KMT2A: variants seen among roughly 807,000 people sequenced by gnomAD.
KMT2A encodes the protein lysine methyltransferase 2A.
KMT2A carries 16 observed loss-of-function variants against 345.3 expected under a neutral mutation model. The observed-to-expected ratio is 0.05, with a 90% CI of 0.03 to 0.07. KMT2A has a LOEUF of 0.07. Ranked by LOEUF, KMT2A falls within the 10% of genes least tolerant of loss-of-function variation. The pLI is 1.00. For synonymous variants in KMT2A, 1,599 were observed against 1,778.6 expected, an observed-to-expected ratio of 0.90 and a Z score of 2.54; for missense variants, 3,272 against 4,841.6, an observed-to-expected ratio of 0.68 and a Z score of 9.62.
Position 118,491,969 on chromosome 11 carries a change from G to A in KMT2A, c.5004+41G>A. ...TTTTTTTCTGAGAGCTTGTTCTTAG[G>A]TAGTCTTTACCTAGTGTTTTTCTTT... On this transcript the variant is annotated intron_variant, in intron 15 of 35. Transcript: ENST00000534358. This position sits in a 1 kb window ranked among gnomAD's most constrained non-coding sequence, Gnocchi z 4.2. The A allele has an allele frequency of 6.9e-7, 1 of 1,451,162 alleles. No individual in the cohort carries two copies. The highest frequency in any genetic ancestry group is 9.6e-7 in the Non-Finnish European group (1 of 1,046,708). 89.9% of individuals were successfully genotyped at this position (1,451,162 alleles called of 1,614,324 possible).
rs782665441 is a variant in KMT2A at position 118,503,936 on chromosome 11, T to G, written c.8044T>G (p.Leu2682Val). The change falls in exon 27 of 36, where the codon TTA becomes GTA. Residue 2682 changes from leucine to valine, a missense_variant. This residue lies in a region of KMT2A where 47 missense variants were observed against 53.6 expected (regional missense o/e 0.88). Transcript: ENST00000534358. The surrounding 1 kb of genome is among the most constrained non-coding windows in gnomAD (Gnocchi z 5.3). The stretch of plus-strand genomic sequence containing the variant: ...CTTAAGCACTTCAGATGAAGACGAC[T>G]TATACTATTACAACTTCACTAGAAC... ...DDLSTSDEDD[L>V]YYYNFTRTVI... is the part of the protein sequence containing the mutation. 6.8e-6 allele frequency: 11 copies of G among 1,614,140 alleles called. No individual in the cohort carries two copies. The highest frequency in any genetic ancestry group is 9.3e-6 in the Non-Finnish European group (11 of 1,180,016).
chr11:118,465,770 C>T (rs1949832724), intron 1 of KMT2A, among the ~76,000 whole-genome samples: 1 of 152,100 alleles, frequency 6.6e-6, no homozygotes, highest in African/African-American at 2.4e-5. Flanking sequence ...TTTGCTTTTT[C>T]CTCAAAATAT....
chr11:118,517,247 T>A (rs1262935397), intron 31 of KMT2A, among the ~76,000 whole-genome samples: 2 of 151,490 alleles, frequency 1.3e-5, no homozygotes, highest in Non-Finnish European at 2.9e-5. Context: ...ATACAAAAAA[T>A]TAGCCAGGCG....
chr11:118,467,005 G>A (rs1175464951), intron 1 of KMT2A, among the ~76,000 whole-genome samples: 1 of 151,922 alleles, frequency 6.6e-6, no homozygotes, highest in Non-Finnish European at 1.5e-5. Flanking sequence ...ACCAGCCTGA[G>A]CAAAATATGT....
chr11:118,479,983 G>C (rs1460226943), intron 5 of KMT2A, among the ~76,000 whole-genome samples, 191 bp from the exon 6 acceptor site: 1 of 152,146 alleles, frequency 6.6e-6, no homozygotes, highest in Non-Finnish European at 1.5e-5. Context: ...AGATCCTAAA[G>C]GTAGGTGAAA....
rs1040411167 is a variant in KMT2A, at chr11:118,496,088, A to G, written c.5558-173A>G. Among the ~76,000 whole-genome samples, 1 of 152,248 alleles carries G rather than the reference A, an allele frequency of 6.6e-6. No homozygotes were observed. The highest frequency in any genetic ancestry group is 1.5e-5 in the Non-Finnish European group (1 of 68,040). ...GGACTTGATATAAATACTCTGGAGT[A>G]TTGTAACATAGATGATGAGGTAGCG... On this transcript the variant is annotated intron_variant, in intron 19 of 35. Coordinates refer to ENST00000534358, the MANE Select transcript of KMT2A (RefSeq NM_001197104.2). This position sits in a 1 kb window ranked among gnomAD's most constrained non-coding sequence, Gnocchi z 4.7.
chr11:118,507,632 T>A, intron 28 of KMT2A, 23 bp downstream of exon 28: 1 of 1,587,950 alleles, frequency 6.3e-7, no homozygotes, highest in Non-Finnish European at 8.6e-7. Flanking sequence ...ATTCGTCTTT[T>A]AAGACTAAGC....
chr11:118,453,588 G>A (rs1456526377), intron 1 of KMT2A, among the ~76,000 whole-genome samples: 1 of 151,994 alleles, frequency 6.6e-6, no homozygotes, highest in South Asian at 2.1e-4. Context: ...TCATCTATAC[G>A]CTGACAACTA....
intron 1 of KMT2A, among the ~76,000 whole-genome samples, chr11:118,439,279 A>T (rs1949268025): frequency 6.6e-6 from 1 of 152,228 alleles, no homozygotes; most frequent in African/African-American, 2.4e-5. Flanking sequence ...GAGTTTAATA[A>T]GAAAGTCTCT....
chr11:118,473,864 G>C lies in KMT2A; in HGVS notation c.2705G>C (p.Ser902Thr). Residue 902 changes from serine to threonine, a missense_variant, in exon 3 of 36, where the codon AGT becomes ACT. Physicochemically the swap from Ser to Thr is moderately conservative, Grantham distance 58. This residue lies in a region of KMT2A where 209 missense variants were observed against 237.4 expected (regional missense o/e 0.88). Transcript: ENST00000534358. This position sits in a 1 kb window ranked among gnomAD's most constrained non-coding sequence, Gnocchi z 5.2. The stretch of plus-strand genomic sequence containing the variant: ...AAAAAGGGATCAGAAATTCAGAGTA[G>C]TTCTGCTTTGTATCCTGTGGGTAGG... The part of the protein sequence containing the change: ...KRKKGSEIQS[S>T]SALYPVGRVS... 1 of 1,614,214 alleles carries C rather than the reference G, an allele frequency of 6.2e-7. No individual in the cohort carries two copies. Among genetic ancestry groups the C allele is most frequent in the East Asian group, 2.2e-5 (1 of 44,882 alleles).
Position 118,490,663 on chromosome 11 carries a change from G to A in KMT2A, c.4696+414G>A, listed in dbSNP as rs1029397477. Among the ~76,000 whole-genome samples, 2 of 152,036 alleles carry A rather than the reference G, an allele frequency of 1.3e-5. No homozygotes were observed. The highest frequency in any genetic ancestry group is 2.9e-5 in the Non-Finnish European group (2 of 68,016). The stretch of plus-strand genomic sequence containing the variant: ...AATCATATAAAGTTCACTGTTTTAA[G>A]TAAGATAAGCAGATCAGTTTGAAGA... On this transcript the variant is annotated intron_variant, in intron 13 of 35. Coordinates refer to ENST00000534358, the MANE Select transcript of KMT2A (RefSeq NM_001197104.2). The surrounding 1 kb of genome is among the most constrained non-coding windows in gnomAD (Gnocchi z 4.2).
intron 1 of KMT2A, chr11:118,439,269 G>A: frequency 8.6e-6 from 3 of 348,924 alleles, no homozygotes; most frequent in South Asian, 6.8e-5. Context: ...ATGTATATTT[G>A]AGTTTAATAA....
chr11:118,454,903 G>C (rs1208118002), intron 1 of KMT2A, among the ~76,000 whole-genome samples: 3 of 151,524 alleles, frequency 2.0e-5, no homozygotes, highest in Non-Finnish European at 4.4e-5. Context: ...TCGGCCTGTG[G>C]CCCATAGTTT....
rs771582258 is a variant in KMT2A at position 118,474,297 on chromosome 11, C to T, written c.3138C>T (p.Thr1046=). 8.1e-6 allele frequency: 13 copies of T among 1,613,716 alleles called. No homozygotes were observed. The highest frequency in any genetic ancestry group is 6.7e-5 in the East Asian group (3 of 44,894). The change falls in exon 3 of 36, where the codon ACC becomes ACT. Residue 1046 remains threonine, a synonymous_variant. Coordinates refer to ENST00000534358, the MANE Select transcript of KMT2A (RefSeq NM_001197104.2). ...KIEKSKSLKQ[T]DQPKAQGQES... ...AGAAGAGTAAGAGTCTTAAACAAAC[C>T]GACCAGCCCAAAGCACAGGTACTCT...
At position 118,522,805 on chromosome 11, in the gene KMT2A, G is replaced by A; in HGVS notation, c.*633G>A. 1 of 214,870 alleles carries A rather than the reference G, an allele frequency of 4.7e-6. No homozygotes were observed. Among genetic ancestry groups the A allele is most frequent in the Non-Finnish European group, 9.4e-6 (1 of 106,220 alleles). 13.3% of individuals were successfully genotyped at this position (214,870 alleles called of 1,614,324 possible). A position where few individuals can be genotyped will look rare whatever the true frequency, so the allele number is the denominator to read the frequency against. ...CATTGAGCCTGCAGGCTTTGAGTGGGAGTGTTGCCCCCAGGAGCCTTATCT... is the reference window on the plus strand; with the variant it reads ...CATTGAGCCTGCAGGCTTTGAGTGGAAGTGTTGCCCCCAGGAGCCTTATCT... On this transcript the variant is annotated 3_prime_UTR_variant, in exon 36 of 36. Coordinates refer to ENST00000534358, the MANE Select transcript of KMT2A (RefSeq NM_001197104.2). The surrounding 1 kb of genome is among the most constrained non-coding windows in gnomAD (Gnocchi z 5.4).
intron 1 of KMT2A, among the ~76,000 whole-genome samples, chr11:118,462,762 C>T (rs189702894): frequency 1.3e-5 from 2 of 152,274 alleles, no homozygotes; most frequent in East Asian, 3.9e-4. Flanking sequence ...CAGGGTTTCA[C>T]CGTGTTAGCC....
Position 118,490,510 on chromosome 11 carries a change from A to G in KMT2A, c.4696+261A>G, listed in dbSNP as rs1405854847. 2.0e-5 allele frequency among the ~76,000 whole-genome samples: 3 copies of G among 152,090 alleles called. No homozygotes were observed. The highest frequency in any genetic ancestry group is 7.2e-5 in the African/African-American group (3 of 41,412). ...TAGTATTTCCCAAAGTGTGATATAT[A>G]TATTATATATTTGATTATTTCAGAC... On this transcript the variant is annotated intron_variant, in intron 13 of 35. Coordinates refer to ENST00000534358, the MANE Select transcript of KMT2A (RefSeq NM_001197104.2). The surrounding 1 kb of genome is among the most constrained non-coding windows in gnomAD (Gnocchi z 4.2).
chr11:118,493,051 C>A lies in KMT2A; in HGVS notation c.5005-6C>A. 1 of 1,611,402 alleles carries A rather than the reference C, an allele frequency of 6.2e-7. No homozygotes were observed. Among genetic ancestry groups the A allele is most frequent in the South Asian group, 1.1e-5 (1 of 90,560 alleles). Reference sequence around the variant, plus strand: ...GATAAAAGCAACATATCTTTCCTGGCAATAGGCTGCCAAGCCTCCAGACTT... The same window carrying A: ...GATAAAAGCAACATATCTTTCCTGGAAATAGGCTGCCAAGCCTCCAGACTT... On this transcript the variant is annotated splice_polypyrimidine_tract_variant and splice_region_variant and intron_variant, in intron 15 of 35. Coordinates refer to ENST00000534358, the MANE Select transcript of KMT2A (RefSeq NM_001197104.2). The surrounding 1 kb of genome is among the most constrained non-coding windows in gnomAD (Gnocchi z 5.8).
chr11:118,522,275 C>T lies in KMT2A; in HGVS notation c.*103C>T, dbSNP rs1437291023. The T allele has an allele frequency of 2.5e-6, 3 of 1,214,354 alleles. No homozygotes were observed. The highest frequency in any genetic ancestry group is 1.4e-5 in the South Asian group (1 of 70,704). 75.2% of individuals were successfully genotyped at this position (1,214,354 alleles called of 1,614,324 possible). A position where few individuals can be genotyped will look rare whatever the true frequency, so the allele number is the denominator to read the frequency against. On this transcript the variant is annotated 3_prime_UTR_variant, in exon 36 of 36. Transcript: ENST00000534358. This position sits in a 1 kb window ranked among gnomAD's most constrained non-coding sequence, Gnocchi z 5.4. The stretch of plus-strand genomic sequence containing the variant: ...CTGGGAGCTCCCGGATTGCGTGGCA[C>T]AGCTGAGGGGCCTCTGTGATGGCTG...
Sources: allele counts gnomAD v4.1 joint callset (sites outside exome capture counted in the v4.1 genomes callset), GRCh38; gene constraint gnomAD v4.1.1; regional missense constraint gnomAD v4.1.1; non-coding constraint Gnocchi (gnomAD v3.1); transcripts MANE v1.5; gene names NCBI Gene and HGNC (gene_info 2026-07-23, HGNC 2026-07-21).